The following SYN3 variants were observed in gnomAD, a reference collection of about 807,000 sequenced individuals.
The protein encoded by SYN3 is synapsin III.
SYN3 carries 35 observed loss-of-function variants against 65.8 expected under a neutral mutation model. The observed-to-expected ratio is 0.53, with a 90% CI of 0.41 to 0.70. The LOEUF (loss-of-function observed/expected upper bound fraction) is 0.70, where lower values mean the gene tolerates loss of function less well. Among genes scored for constraint, SYN3 ranks in the 30% least tolerant of loss-of-function variants. The pLI is 0.00. For synonymous variants in SYN3, 270 were observed against 292.9 expected (o/e 0.92, Z 0.80); for missense variants, 680 against 749.0 (o/e 0.91, Z 1.08).
chr22:32,607,258 T>C (rs147345735), intron 6 of SYN3, among the ~76,000 whole-genome samples: 1,646 of 152,272 alleles, frequency 0.011, 17 homozygotes, highest in Admixed American at 0.017. Context: ...CATTGAACCC[T>C]CAGGCCTCTC....
chr22:32,751,537 C>T (rs370470996), intron 6 of SYN3, among the ~76,000 whole-genome samples: 3 of 152,254 alleles, frequency 2.0e-5, no homozygotes, highest in African/African-American at 2.4e-5. Flanking sequence ...CATTGTCAGT[C>T]GCGTACAGGC....
chr22:32,930,006 AG>A (rs1243752231), intron 4 of SYN3, among the ~76,000 whole-genome samples: 2 of 152,142 alleles, frequency 1.3e-5, no homozygotes, highest in African/African-American at 4.8e-5. Flanking sequence ...CGTTGTTTTC[AG>A]GGGAAAAGCT....
intron 4 of SYN3, among the ~76,000 whole-genome samples, chr22:32,891,404 C>T (rs1455971665): frequency 6.6e-6 from 1 of 152,186 alleles, no homozygotes; most frequent in Non-Finnish European, 1.5e-5. Context: ...GCTTCTGAAT[C>T]CTGTCACTTC....
At chr22:32,990,845 C>G (rs1436454300) in intron 2 of SYN3, among the ~76,000 whole-genome samples, 1 of 151,776 alleles carries the variant, frequency 6.6e-6, no homozygotes, top group Non-Finnish European at 1.5e-5. Context: ...GTGGGGAGTT[C>G]GAAACCAACC....
chr22:32,911,575 C>T (rs933865081), intron 4 of SYN3, among the ~76,000 whole-genome samples: 1 of 152,118 alleles, frequency 6.6e-6, no homozygotes, highest in Non-Finnish European at 1.5e-5. Flanking sequence ...GGAGGCAGCG[C>T]AGGCAGGAAG....
chr22:32,895,357 A>G (rs902612731), intron 4 of SYN3, among the ~76,000 whole-genome samples: 1 of 152,224 alleles, frequency 6.6e-6, no homozygotes, highest in Non-Finnish European at 1.5e-5. Flanking sequence ...TAATCCAGTG[A>G]GCCAATTCCT....
In SYN3 at chr22:32,703,529, C is replaced by T. The variant is rs148792162; in HGVS notation, c.712-106793G>A. ...GCGGATGCCTGTAGTCTCAGCTACT[C>T]GGGAGGCTGAGGCAGAAGAATGGCA... On this transcript the variant is annotated intron_variant, in intron 6 of 13. Transcript: ENST00000358763. Among the ~76,000 whole-genome samples, 943 of 151,664 alleles carry T rather than the reference C, an allele frequency of 6.2e-3. 11 individuals are homozygous for T. Among genetic ancestry groups the T allele is most frequent in the African/African-American group, 0.021 (874 of 41,286 alleles).
intron 3 of SYN3, among the ~76,000 whole-genome samples, chr22:32,971,240 T>A (rs2146938683): frequency 6.6e-6 from 1 of 152,312 alleles, no homozygotes; most frequent in Non-Finnish European, 1.5e-5. Flanking sequence ...AGGGAAACAC[T>A]CACTTCTCTA....
intron 6 of SYN3, chr22:32,802,025 C>T (rs2046600499): frequency 6.3e-7 from 1 of 1,576,918 alleles, no homozygotes; most frequent in African/African-American, 1.3e-5. Context: ...TCGGGCTCAT[C>T]GTGCTCCTGG....
At chr22:33,021,394 A>C (rs901455853) in intron 1 of SYN3, among the ~76,000 whole-genome samples, 1 of 152,244 alleles carries the variant, frequency 6.6e-6, no homozygotes, top group Non-Finnish European at 1.5e-5. Flanking sequence ...CACTACCAAG[A>C]TATGGAAGAG....
chr22:32,606,561 A>G (rs1167293482), intron 6 of SYN3, among the ~76,000 whole-genome samples: 1 of 152,170 alleles, frequency 6.6e-6, no homozygotes, highest in Non-Finnish European at 1.5e-5. Flanking sequence ...CAAATATGTT[A>G]AGACAAAACT....
At chr22:32,850,183 A>G (rs1006862544) in intron 6 of SYN3, among the ~76,000 whole-genome samples, 27 of 151,450 alleles carry the variant, frequency 1.8e-4, no homozygotes, top group African/African-American at 6.1e-4. Context: ...AAGTACAGGA[A>G]GGAGGTATGC....
At chr22:32,966,851 G>A (rs1161735041) in intron 3 of SYN3, among the ~76,000 whole-genome samples, 2 of 152,108 alleles carry the variant, frequency 1.3e-5, no homozygotes, top group African/African-American at 4.8e-5. Flanking sequence ...AGGAGGTTGA[G>A]GCTGCAGTGA....
chr22:33,006,866 A>C, intron 1 of SYN3, 42 bp from the exon 2 acceptor site: 1 of 492,902 alleles, frequency 2.0e-6, no homozygotes, highest in Non-Finnish European at 3.6e-6. Context: ...AACGACCTCC[A>C]CCCCCTTAAG....
chr22:32,699,606 C>T (rs1186009388), intron 6 of SYN3, among the ~76,000 whole-genome samples: 2 of 151,584 alleles, frequency 1.3e-5, no homozygotes, highest in Non-Finnish European at 2.9e-5. Context: ...ACATTGCTCT[C>T]GGGGCCCAAT....
intron 6 of SYN3, among the ~76,000 whole-genome samples, chr22:32,638,464 C>G (rs1441817891): frequency 6.6e-6 from 1 of 152,196 alleles, no homozygotes; most frequent in East Asian, 1.9e-4. Flanking sequence ...TGCAGCCTCA[C>G]CAACATCTGT....
intron 4 of SYN3, among the ~76,000 whole-genome samples, chr22:32,900,819 G>A (rs1291984531): frequency 1.3e-5 from 2 of 152,124 alleles, no homozygotes; most frequent in Non-Finnish European, 2.9e-5. Flanking sequence ...TTTTTTCTGG[G>A]AAGACTTACT....
At chr22:32,882,160 G>T (rs2049160518) in intron 4 of SYN3, among the ~76,000 whole-genome samples, 1 of 152,024 alleles carries the variant, frequency 6.6e-6, no homozygotes, top group Admixed American at 6.5e-5. Context: ...ACGCCTGATG[G>T]TCTTCCCTGA....
intron 12 of SYN3, among the ~76,000 whole-genome samples, chr22:32,518,977 G>T (rs1351996104): frequency 6.6e-6 from 1 of 152,166 alleles, no homozygotes; most frequent in Non-Finnish European, 1.5e-5. Context: ...AGAAATATCA[G>T]GAGTGTCATG....
Sources: gnomAD v4.1 joint callset for allele counts (sites outside exome capture counted in the v4.1 genomes callset) on GRCh38, gnomAD v4.1.1 for gene constraint, MANE v1.5 for transcripts, NCBI Gene and HGNC (gene_info 2026-07-23, HGNC 2026-07-21) for gene names.